OSBPL10: variants seen among roughly 807,000 people sequenced by gnomAD.
OSBPL10 encodes oxysterol-binding protein-related protein 10.
OSBPL10 carries 49 observed loss-of-function variants against 81.7 expected under a neutral mutation model. The ratio of observed to expected loss-of-function variants is 0.60; its 90% CI spans 0.48 to 0.76. OSBPL10 has a LOEUF of 0.76. Ranked by LOEUF, OSBPL10 falls within the 30% of genes least tolerant of loss-of-function variation. The pLI is 0.00. For synonymous variants in OSBPL10, 419 were observed against 383.6 expected, an observed-to-expected ratio of 1.09 and a Z score of -1.08; for missense variants, 923 against 987.8, an observed-to-expected ratio of 0.93 and a Z score of 0.88.
chr3:31,824,505 G>T (rs1002870411), intron 4 of OSBPL10, among the ~76,000 whole-genome samples: 1 of 152,176 alleles, frequency 6.6e-6, no homozygotes, highest in Non-Finnish European at 1.5e-5. Flanking sequence ...CTGACCGATG[G>T]TTGCTACAAG....
chr3:32,009,570 A>C (rs1180353527), intron 2 of OSBPL10, among the ~76,000 whole-genome samples: 1 of 152,204 alleles, frequency 6.6e-6, no homozygotes, highest in African/African-American at 2.4e-5. Flanking sequence ...GTGTGAATGA[A>C]TTCATTGGTG....
intron 1 of OSBPL10, among the ~76,000 whole-genome samples, chr3:32,048,654 C>G (rs1699645147): frequency 6.6e-6 from 1 of 151,894 alleles, no homozygotes; most frequent in Non-Finnish European, 1.5e-5. Context: ...TTCTCTATAC[C>G]CCTTTAAATC....
chr3:31,980,708 C>A (rs1366073358), intron 1 of OSBPL10, among the ~76,000 whole-genome samples, 191 bp downstream of exon 1: 2 of 152,172 alleles, frequency 1.3e-5, no homozygotes, highest in Non-Finnish European at 2.9e-5. Flanking sequence ...AGCCACGGCG[C>A]GCCCCATCCT....
intron 7 of OSBPL10, among the ~76,000 whole-genome samples, chr3:31,690,418 C>T (rs558472226): frequency 6.6e-6 from 1 of 152,218 alleles, no homozygotes; most frequent in African/African-American, 2.4e-5. Flanking sequence ...TACTCAGTTT[C>T]AGGTAGTTCT....
At chr3:31,933,222 A>G (rs1000495541) in intron 1 of OSBPL10, among the ~76,000 whole-genome samples, 3 of 152,186 alleles carry the variant, frequency 2.0e-5, no homozygotes, top group African/African-American at 7.2e-5. Context: ...ACTCATGAAT[A>G]GAGCACCAGT....
chr3:31,663,427 A>G (rs1264618607), intron 11 of OSBPL10: 21 of 987,120 alleles, frequency 2.1e-5, no homozygotes, highest in Non-Finnish European at 2.4e-5. Flanking sequence ...ATAATTTCCA[A>G]TTCTGTTCTC....
intron 4 of OSBPL10, among the ~76,000 whole-genome samples, chr3:31,754,413 T>C (rs1697825358): frequency 6.6e-6 from 1 of 152,022 alleles, no homozygotes; most frequent in African/African-American, 2.4e-5. Context: ...GGAAGAGGGA[T>C]CCAGCTCCAG....
intron 1 of OSBPL10, among the ~76,000 whole-genome samples, chr3:31,946,851 C>G (rs936142577): frequency 1.4e-5 from 2 of 145,984 alleles, no homozygotes; most frequent in Non-Finnish European, 3.0e-5. Flanking sequence ...GTTGAGGTGC[C>G]TAGAAGAAGA....
At chr3:31,981,402 G>T, upstream of OSBPL10, 1 of 718,884 alleles carries the variant, frequency 1.4e-6, no homozygotes, top group Non-Finnish European at 1.9e-6. The surrounding 1 kb of genome is among the most constrained non-coding windows in gnomAD (Gnocchi z 4.5). Context: ...CTCCCGCCGC[G>T]GCCAGGGCCC....
intron 2 of OSBPL10, among the ~76,000 whole-genome samples, chr3:32,023,206 G>A (rs944718949): frequency 2.6e-5 from 4 of 152,012 alleles, no homozygotes; most frequent in Admixed American, 1.3e-4. Flanking sequence ...TAATTCCCAC[G>A]TGTCCTGGGA....
chr3:31,875,615 C>G (rs1002832821), intron 3 of OSBPL10, among the ~76,000 whole-genome samples: 1 of 149,764 alleles, frequency 6.7e-6, no homozygotes, highest in Non-Finnish European at 1.5e-5. Context: ...GGAGGCAGAA[C>G]AGCCAGGTGT....
intron 3 of OSBPL10, among the ~76,000 whole-genome samples, chr3:31,836,526 A>T (rs990555324): frequency 6.1e-5 from 9 of 147,566 alleles, no homozygotes; most frequent in African/African-American, 2.2e-4. Context: ...CCCATCCACC[A>T]ATCATCTAAC....
chr3:31,978,571 C>A (rs1234206451), intron 1 of OSBPL10, among the ~76,000 whole-genome samples: 3 of 152,086 alleles, frequency 2.0e-5, no homozygotes, highest in African/African-American at 7.2e-5. Flanking sequence ...ACTAATGGAC[C>A]CTCAGCCATC....
chr3:31,696,753 G>A (rs1695733937), intron 7 of OSBPL10, among the ~76,000 whole-genome samples: 1 of 152,198 alleles, frequency 6.6e-6, no homozygotes, highest in African/African-American at 2.4e-5. Flanking sequence ...TCACTCTCTA[G>A]AGAAACTCAT....
chr3:31,990,468 CCA>C (rs755068445), intron 2 of OSBPL10: 1 of 1,556,642 alleles, frequency 6.4e-7, no homozygotes, highest in South Asian at 1.2e-5. Flanking sequence ...GCAAGACCTT[CCA>C]TCACAATTCA....
chr3:31,814,828 G>A (rs1699795081), intron 4 of OSBPL10, among the ~76,000 whole-genome samples: 1 of 152,162 alleles, frequency 6.6e-6, no homozygotes, highest in Non-Finnish European at 1.5e-5. Flanking sequence ...GGCTATTTAG[G>A]CTACATTCAT....
At chr3:31,783,811 AAAAAAAAAAAAAAT>A (rs1698778199) in intron 4 of OSBPL10, among the ~76,000 whole-genome samples, 1 of 76,362 alleles carries the variant, frequency 1.3e-5, no homozygotes, top group African/African-American at 6.8e-5. Flanking sequence ...AAAAAAAAAA[AAAAAAAAAAAAAAT>A]ATATATATAT....
At chr3:31,856,700 T>C (rs1192149417) in intron 3 of OSBPL10, among the ~76,000 whole-genome samples, 5 of 152,250 alleles carry the variant, frequency 3.3e-5, no homozygotes, top group African/African-American at 1.2e-4. Context: ...ATAAAACAGC[T>C]TTAAAATATT....
intron 3 of OSBPL10, among the ~76,000 whole-genome samples, chr3:31,833,594 C>A (rs1345464629): frequency 6.6e-6 from 1 of 152,006 alleles, no homozygotes; most frequent in African/African-American, 2.4e-5. Context: ...GAGTCACTGA[C>A]CTTCTTATTT....
Sources: allele counts gnomAD v4.1 joint callset (sites outside exome capture counted in the v4.1 genomes callset), GRCh38; gene constraint gnomAD v4.1.1; non-coding constraint Gnocchi (gnomAD v3.1); transcripts MANE v1.5; gene names NCBI Gene and HGNC (gene_info 2026-07-23, HGNC 2026-07-21).